Variants in RBSN observed in about 807,000 individuals in gnomAD.
The protein encoded by RBSN is rabenosyn, RAB effector, also known as rabenosyn-5.
Under a neutral mutation model 60.5 loss-of-function variants are expected in RBSN, and 34 were observed. The observed-to-expected ratio is 0.56, with a 90% confidence interval of 0.43 to 0.75. The LOEUF is 0.75. RBSN is among the 30% of genes least tolerant of loss of function. The probability of loss-of-function intolerance (pLI) is 0.00; values close to 1 mark genes in which losing one functional copy is unlikely to be tolerated. For missense variants in RBSN, 845 were observed against 986.8 expected, an observed-to-expected ratio of 0.86 and a Z score of 1.92; for synonymous variants, 322 against 366.9, an observed-to-expected ratio of 0.88 and a Z score of 1.40.
rs766377423 is a variant in RBSN at position 15,078,117 on chromosome 3, C to T, written c.956G>A (p.Arg319Gln). 3.7e-6 allele frequency: 6 copies of T among 1,613,996 alleles called. No homozygotes were observed. The highest frequency in any genetic ancestry group is 1.7e-5 in the Admixed American group (1 of 60,008). The change falls in exon 11 of 14, where the codon CGA (arginine) becomes CAA (glutamine). Residue 319 changes from arginine (R) to glutamine (Q), a missense_variant. Coordinates refer to ENST00000253699, the MANE Select transcript of RBSN (RefSeq NM_022340.4). Reference sequence around the variant, plus strand: ...CTCATACACTTTCTGCACTTCCACTCGAAGGTCACTGGCATGTTCCAGACT... The same window carrying T: ...CTCATACACTTTCTGCACTTCCACTTGAAGGTCACTGGCATGTTCCAGACT... The part of the protein sequence containing the change: ...TYSLEHASDL[R>Q]VEVQKVYELI...
At chr3:15,079,340 C>G (rs1477266855) in intron 10 of RBSN, among the ~76,000 whole-genome samples, 1 of 152,188 alleles carries the variant, frequency 6.6e-6, no homozygotes, top group Admixed American at 6.5e-5. Flanking sequence ...CAAAATAGTG[C>G]AGTCATTCCA....
At chr3:15,093,685 C>G (rs542710519) in intron 4 of RBSN, among the ~76,000 whole-genome samples, 2 of 152,112 alleles carry the variant, frequency 1.3e-5, no homozygotes, top group East Asian at 3.8e-4. Context: ...CCACCGCACC[C>G]GGCTGAAGTA....
intron 2 of RBSN, among the ~76,000 whole-genome samples, chr3:15,097,376 G>T (rs1361090544): frequency 6.6e-6 from 1 of 152,102 alleles, no homozygotes; most frequent in Non-Finnish European, 1.5e-5. Context: ...TTTGCCGGGT[G>T]TGGTGGTAGG....
chr3:15,074,440 C>T lies in RBSN; in HGVS notation c.1697G>A (p.Arg566His), dbSNP rs774178083. Reference protein sequence around the residue: ...PFQLEPSREPRTHLAYALDLG... With the variant: ...PFQLEPSREPHTHLAYALDLG... ...ATCCAAAGCATAAGCAAGGTGGGTG[C>T]GAGGCTCTCTGCTGGGCTCCAGCTG... Residue 566 changes from arginine to histidine, a missense_variant, in exon 14 of 14, where the codon CGC (arginine) becomes CAC (histidine). Physicochemically the swap from Arg to His is conservative, Grantham distance 29. Coordinates refer to ENST00000253699, the MANE Select transcript of RBSN (RefSeq NM_022340.4). The surrounding 1 kb of genome is among the most constrained non-coding windows in gnomAD (Gnocchi z 6.4). 17 of 1,614,018 alleles carry T rather than the reference C, an allele frequency of 1.1e-5. No individual in the cohort carries two copies. Among genetic ancestry groups the T allele is most frequent in the African/African-American group, 2.7e-5 (2 of 74,904 alleles).
rs183390654 is a variant in RBSN, at chr3:15,075,116, C to T, written c.1207-186G>A. 1.3e-4 allele frequency: 89 copies of T among 692,978 alleles called. No homozygotes were observed. In the Admixed American group the frequency reaches 2.6e-3, roughly 20 times the overall value. 42.9% of individuals were successfully genotyped at this position (692,978 alleles called of 1,614,324 possible). A position where few individuals can be genotyped will look rare whatever the true frequency, so the allele number is the denominator to read the frequency against. Reference sequence around the variant, plus strand: ...GTGTATATGTGGGCGGAAGGGAGACCCTGATTTTCAAAAATAAAATATAAT... The same window carrying T: ...GTGTATATGTGGGCGGAAGGGAGACTCTGATTTTCAAAAATAAAATATAAT... On this transcript the variant is annotated intron_variant, in intron 13 of 13. Coordinates refer to ENST00000253699, the MANE Select transcript of RBSN (RefSeq NM_022340.4).
Position 15,074,132 on chromosome 3 carries a change from C to T in RBSN, c.2005G>A (p.Glu669Lys), listed in dbSNP as rs368892679. The change falls in exon 14 of 14, where the codon GAG becomes AAG. Residue 669 changes from glutamate (E) to lysine (K), a missense_variant. Physicochemically the swap from Glu to Lys is moderately conservative, Grantham distance 56. Transcript: ENST00000253699. This position sits in a 1 kb window ranked among gnomAD's most constrained non-coding sequence, Gnocchi z 6.4. ...KEYNPFEEED[E>K]EEEAVAGNPF... Reference sequence around the variant, plus strand: ...TTCCCTGCCACTGCTTCCTCCTCCTCGTCCTCTTCCTCGAAAGGATTGTAC... The same window carrying T: ...TTCCCTGCCACTGCTTCCTCCTCCTTGTCCTCTTCCTCGAAAGGATTGTAC... 1.1e-5 allele frequency: 17 copies of T among 1,614,116 alleles called. No individual in the cohort carries two copies. Among genetic ancestry groups the T allele is most frequent in the Non-Finnish European group, 1.4e-5 (17 of 1,180,000 alleles).
chr3:15,096,082 G>A lies in RBSN; in HGVS notation c.39C>T (p.Gly13=). 1.2e-6 allele frequency: 2 copies of A among 1,610,362 alleles called. No individual in the cohort carries two copies. The highest frequency in any genetic ancestry group is 1.7e-5 in the Admixed American group (1 of 59,736). The change falls in exon 4 of 14, where the codon GGC becomes GGT. Residue 13 remains glycine (G), a synonymous_variant. Coordinates refer to ENST00000253699, the MANE Select transcript of RBSN (RefSeq NM_022340.4). ...CCTTCAGGCACAGAGGGCAGAGGAA[G>A]CCCTCCCTCACTTCCCCTGGGTCGT... ...SLDDPGEVRE[G]FLCPLCLKDL... is the part of the protein sequence containing the mutation.
rs1294193313 is a variant in RBSN at position 15,073,982 on chromosome 3, G to A, written c.2155C>T (p.Pro719Ser). The part of the protein sequence containing the change: ...NPFEEPTCIN[P>S]FEMDSDSGPE... ...CCACTGTCACTGTCCATCTCAAAGG[G>A]GTTGATACAGGTGGGTTCCTCAAAG... The change falls in exon 14 of 14, where the codon CCC becomes TCC. Residue 719 changes from proline (P) to serine (S), a missense_variant. By Grantham distance (74) the Pro-to-Ser change is moderately conservative. Coordinates refer to ENST00000253699, the MANE Select transcript of RBSN (RefSeq NM_022340.4). 3 of 1,614,104 alleles carry A rather than the reference G, an allele frequency of 1.9e-6. No individual in the cohort carries two copies. The highest frequency in any genetic ancestry group is 2.5e-6 in the Non-Finnish European group (3 of 1,180,012).
intron 12 of RBSN, among the ~76,000 whole-genome samples, chr3:15,076,139 T>C (rs1024302164): frequency 6.6e-6 from 1 of 151,988 alleles, no homozygotes; most frequent in Non-Finnish European, 1.5e-5. Context: ...AACAGGAACG[T>C]TGGTCTTTTT....
chr3:15,096,335 G>A (rs2043657028), intron 3 of RBSN, 47 bp from the exon 4 acceptor site: 1 of 455,322 alleles, frequency 2.2e-6, no homozygotes, highest in African/African-American at 2.0e-5. Flanking sequence ...AGGCAAACTG[G>A]TAGCAATTGA....
intron 5 of RBSN, 27 bp from the exon 6 acceptor site, chr3:15,085,988 A>T (rs934361830): frequency 1.3e-6 from 2 of 1,589,346 alleles, no homozygotes; most frequent in Middle Eastern, 1.7e-4. Flanking sequence ...TAGGGAGACA[A>T]ATGACTTATA....
At chr3:15,081,130 C>T (rs577177986) in intron 9 of RBSN, 19 of 216,750 alleles carry the variant, frequency 8.8e-5, no homozygotes, top group East Asian at 5.6e-4. Context: ...TCTCATGCCT[C>T]GGCGTCCTGA....
chr3:15,086,777 G>A (rs984785654), intron 5 of RBSN, among the ~76,000 whole-genome samples: 1 of 152,170 alleles, frequency 6.6e-6, no homozygotes, highest in Admixed American at 6.5e-5. Context: ...TGTAAATGCT[G>A]GTAGATTCCC....
intron 4 of RBSN, among the ~76,000 whole-genome samples, chr3:15,095,020 GTGTT>G (rs1441576801): frequency 1.3e-5 from 2 of 150,132 alleles, no homozygotes; most frequent in African/African-American, 4.9e-5. Flanking sequence ...TGGCGTGTGT[GTGTT>G]TGTGTGTGTG....
Position 15,084,821 on chromosome 3 carries a change from C to T in RBSN, c.512G>A (p.Ser171Asn). 6.2e-7 allele frequency: 1 copy of T among 1,614,228 alleles called. No individual in the cohort carries two copies. The highest frequency in any genetic ancestry group is 1.7e-5 in the Admixed American group (1 of 60,020). Residue 171 changes from serine (S) to asparagine (N), a missense_variant, in exon 8 of 14, where the codon AGC becomes AAC. By Grantham distance (46) the Ser-to-Asn change is conservative (BLOSUM62 1). Transcript: ENST00000253699. This position sits in a 1 kb window ranked among gnomAD's most constrained non-coding sequence, Gnocchi z 4.2. ...PFCPDCGNKF[S>N]IRNRRHHCRL... ...GCAGTGGTGGCGGCGGTTCCGGATG[C>T]TGAACTTATTCCCACAGTCTGGACA...
At position 15,070,187 on chromosome 3, in the gene RBSN, T is replaced by C. The variant is rs2042900357; in HGVS notation, c.*3595A>G. 2 of 152,648 alleles carry C rather than the reference T, an allele frequency of 1.3e-5. No individual in the cohort carries two copies. Among genetic ancestry groups the C allele is most frequent in the African/African-American group, 4.8e-5 (2 of 41,450 alleles). The allele number at this position is 152,648 out of a possible 1,614,324, so 9.5% of individuals were successfully genotyped here. A position where few individuals can be genotyped will look rare whatever the true frequency, so the allele number is the denominator to read the frequency against. On this transcript the variant is annotated 3_prime_UTR_variant, in exon 14 of 14. Coordinates refer to ENST00000253699, the MANE Select transcript of RBSN (RefSeq NM_022340.4). ...TCATTGTCAGATAACAAGCACAATC[T>C]GCTACAGTCTGTGACCTGGTAAAGA...
At chr3:15,088,115 C>T (rs988314336) in intron 5 of RBSN, among the ~76,000 whole-genome samples, 1 of 152,178 alleles carries the variant, frequency 6.6e-6, no homozygotes, top group Non-Finnish European at 1.5e-5. Context: ...CTAGTAATCT[C>T]ACATTGGCAA....
intron 13 of RBSN, 35 bp downstream of exon 13, chr3:15,075,571 G>A (rs373485632): frequency 2.5e-6 from 4 of 1,579,420 alleles, no homozygotes; most frequent in Non-Finnish European, 8.7e-7. Context: ...AGAGCCACAG[G>A]AGGAAGCAGG....
chr3:15,093,199 A>G (rs1456675218), intron 4 of RBSN, among the ~76,000 whole-genome samples: 1 of 152,230 alleles, frequency 6.6e-6, no homozygotes, highest in Non-Finnish European at 1.5e-5. Context: ...CTAAGAATCA[A>G]AAGACCAAAT....
Sources: gnomAD v4.1 joint callset for allele counts (sites outside exome capture counted in the v4.1 genomes callset) on GRCh38, gnomAD v4.1.1 for gene constraint, Gnocchi (gnomAD v3.1) non-coding constraint, MANE v1.5 for transcripts, NCBI Gene and HGNC (gene_info 2026-07-23, HGNC 2026-07-21) for gene names.